NXPE3: variants seen among roughly 807,000 people sequenced by gnomAD.
NXPE3 encodes the protein NXPE family member 3.
In NXPE3, 26 loss-of-function variants were observed where a neutral mutation model predicts 46.1. That is an observed-to-expected ratio of 0.56 (90% CI 0.41 to 0.78). The LOEUF is 0.78. NXPE3 is among the 30% of genes least tolerant of loss of function. NXPE3 has a pLI of 0.00. For synonymous variants in NXPE3, 272 were observed against 257.9 expected (o/e 1.05, Z -0.52); for missense variants, 620 against 686.0 (o/e 0.90, Z 1.07).
intron 4 of NXPE3, among the ~76,000 whole-genome samples, chr3:101,799,767 C>G (rs1354019941): frequency 6.6e-6 from 1 of 152,144 alleles, no homozygotes; most frequent in Non-Finnish European, 1.5e-5. Context: ...TATAATATTA[C>G]TTTTGCATCA....
In NXPE3 at chr3:101,794,371, G is replaced by C. The variant is rs369725907; in HGVS notation, c.94-6864G>C. ...AGCCGTGTTCCTTCCTCTGACCTAA[G>C]AGGGAAAGATATCCTGATGGTTGGC... is the stretch of plus-strand genomic sequence containing the variant. On this transcript the variant is annotated intron_variant, in intron 4 of 7. Coordinates refer to ENST00000273347, the MANE Select transcript of NXPE3 (RefSeq NM_145037.4). Among the ~76,000 whole-genome samples the C allele has an allele frequency of 2.6e-5, 4 of 152,284 alleles. No individual in the cohort carries two copies. In the South Asian group the frequency reaches 8.3e-4, roughly 32 times the overall value.
rs1942424563 is a variant in NXPE3, at chr3:101,824,898, A to G, written c.*2944A>G. 6.6e-6 allele frequency: 1 copy of G among 152,208 alleles called. No homozygotes were observed. The highest frequency in any genetic ancestry group is 2.4e-5 in the African/African-American group (1 of 41,454). 9.4% of individuals were successfully genotyped at this position (152,208 alleles called of 1,614,324 possible). ...CACTTGATTGTGCAAATGATTTCTT[A>G]TGATCTTGTCTGGTTTTCTGTTATT... On this transcript the variant is annotated 3_prime_UTR_variant, in exon 8 of 8. Transcript: ENST00000273347.
At position 101,785,595 on chromosome 3, in the gene NXPE3, C is replaced by T; in HGVS notation, c.-2C>T. 6.2e-7 allele frequency: 1 copy of T among 1,613,822 alleles called. No individual in the cohort carries two copies. The highest frequency in any genetic ancestry group is 8.5e-7 in the Non-Finnish European group (1 of 1,179,752). On this transcript the variant is annotated 5_prime_UTR_variant, in exon 4 of 8. Coordinates refer to ENST00000273347, the MANE Select transcript of NXPE3 (RefSeq NM_145037.4). ...CATGGGTGAACAAGACACAGCCAGA[C>T]AATGTGGACCAATTTCTTCAAACTA...
chr3:101,794,238 G>C (rs1475685898), intron 4 of NXPE3, among the ~76,000 whole-genome samples: 3 of 152,118 alleles, frequency 2.0e-5, no homozygotes, highest in Non-Finnish European at 4.4e-5. Flanking sequence ...CTGAAGGGGG[G>C]AGGAGAGGAT....
At chr3:101,811,715 C>T (rs1052440271) in intron 6 of NXPE3, among the ~76,000 whole-genome samples, 19 of 150,186 alleles carry the variant, frequency 1.3e-4, no homozygotes, top group Non-Finnish European at 1.8e-4. Context: ...TTTGGTTTGC[C>T]TGCAGTAGTT....
chr3:101,807,173 T>A, intron 6 of NXPE3, 47 bp downstream of exon 6: 1 of 1,415,654 alleles, frequency 7.1e-7, no homozygotes, highest in Non-Finnish European at 1.0e-6. Flanking sequence ...TCTTACTAAC[T>A]GGGTTGAGGC....
At chr3:101,782,482 C>G (rs1216535717) in intron 2 of NXPE3, among the ~76,000 whole-genome samples, 178 bp from the exon 3 acceptor site, 1 of 151,760 alleles carries the variant, frequency 6.6e-6, no homozygotes, top group Non-Finnish European at 1.5e-5. Context: ...TTTTTTTACA[C>G]TACAATTACC....
At chr3:101,802,498 G>A (rs1421881596) in intron 5 of NXPE3, among the ~76,000 whole-genome samples, 1 of 151,812 alleles carries the variant, frequency 6.6e-6, no homozygotes, top group African/African-American at 2.4e-5. Flanking sequence ...TGGTAGGGCT[G>A]GTAGTCAGGC....
chr3:101,808,374 A>G (rs1327144207), intron 6 of NXPE3, among the ~76,000 whole-genome samples: 2 of 151,986 alleles, frequency 1.3e-5, no homozygotes, highest in African/African-American at 4.8e-5. Context: ...ATGTTGGCAA[A>G]CCCTTTTGCT....
intron 3 of NXPE3, among the ~76,000 whole-genome samples, chr3:101,785,038 C>T (rs1940071742): frequency 6.6e-6 from 1 of 152,188 alleles, no homozygotes; most frequent in Admixed American, 6.5e-5. Context: ...AGCAGTGTTA[C>T]ATAACTTAAA....
At chr3:101,799,750 C>T (rs1941033991) in intron 4 of NXPE3, among the ~76,000 whole-genome samples, 1 of 152,066 alleles carries the variant, frequency 6.6e-6, no homozygotes, top group Non-Finnish European at 1.5e-5. Context: ...ATTTGATTTC[C>T]ACTAGTTATA....
In NXPE3 at chr3:101,826,781, C is replaced by T. The variant is rs1314575416; in HGVS notation, c.*4827C>T. Reference sequence around the variant, plus strand: ...GGGCATAGTGGCTCATGCCTGTAATCCCAGCACTTTGGGAGGCCGAGGTGG... The same window carrying T: ...GGGCATAGTGGCTCATGCCTGTAATTCCAGCACTTTGGGAGGCCGAGGTGG... On this transcript the variant is annotated 3_prime_UTR_variant, in exon 8 of 8. Transcript: ENST00000273347. The T allele has an allele frequency of 6.6e-6, 1 of 152,226 alleles. No homozygotes were observed. Among genetic ancestry groups the T allele is most frequent in the African/African-American group, 2.4e-5 (1 of 41,422 alleles). 9.4% of individuals were successfully genotyped at this position (152,226 alleles called of 1,614,324 possible). A position where few individuals can be genotyped will look rare whatever the true frequency, so the allele number is the denominator to read the frequency against.
In NXPE3 at chr3:101,801,767, A is replaced by G. The variant is rs975676156; in HGVS notation, c.626A>G (p.Tyr209Cys). Residue 209 changes from tyrosine to cysteine, a missense_variant, in exon 5 of 8, where the codon TAT becomes TGT. Physicochemically the swap from Tyr to Cys is radical, Grantham distance 194. Transcript: ENST00000273347. ...CAGGAAGATAAACCAGACAGGGTCT[A>G]TTTCAAGAGTCTCTTCCGTTCAGGA... Reference protein sequence around the residue: ...RLQEDKPDRVYFKSLFRSGRI... With the variant: ...RLQEDKPDRVCFKSLFRSGRI... The G allele has an allele frequency of 1.2e-6, 2 of 1,614,106 alleles. No individual in the cohort carries two copies. The highest frequency in any genetic ancestry group is 2.7e-5 in the African/African-American group (2 of 74,928).
Position 101,798,286 on chromosome 3 carries a change from T to C in NXPE3, c.94-2949T>C, listed in dbSNP as rs148174495. ...ACAGGACTTACCACATGTGATAATT[T>C]GAACATTGAATTTAAAGATTCATGT... On this transcript the variant is annotated intron_variant, in intron 4 of 7. Transcript: ENST00000273347. Among the ~76,000 whole-genome samples the C allele has an allele frequency of 8.8e-3, 1,345 of 152,312 alleles. 18 individuals carry two copies. The highest frequency in any genetic ancestry group is 0.031 in the African/African-American group (1,272 of 41,560).
intron 5 of NXPE3, 76 bp from the exon 6 acceptor site, chr3:101,806,977 C>T (rs1239291084): frequency 2.1e-6 from 2 of 966,504 alleles, no homozygotes; most frequent in Admixed American, 3.7e-5. Context: ...GTCATTTTAT[C>T]ATTTGCCAAT....
At position 101,801,378 on chromosome 3, in the gene NXPE3, C is replaced by T. The variant is rs1334152659; in HGVS notation, c.237C>T (p.Asp79=). ...TLSSQERMEE[D]SLLAALHRQV... ...CCAGCCAGGAGCGCATGGAGGAGGA[C>T]TCCTTGCTGGCTGCCTTGCACCGGC... Residue 79 remains aspartate, a synonymous_variant, in exon 5 of 8, where the codon GAC becomes GAT. Coordinates refer to ENST00000273347, the MANE Select transcript of NXPE3 (RefSeq NM_145037.4). 2 of 1,614,246 alleles carry T rather than the reference C, an allele frequency of 1.2e-6. No homozygotes were observed. Among genetic ancestry groups the T allele is most frequent in the East Asian group, 4.5e-5 (2 of 44,882 alleles).
At chr3:101,811,215 C>T (rs976975619) in intron 6 of NXPE3, among the ~76,000 whole-genome samples, 2 of 152,096 alleles carry the variant, frequency 1.3e-5, no homozygotes, top group Non-Finnish European at 2.9e-5. Context: ...CAGAGTTATG[C>T]GATGTCCCAA....
intron 6 of NXPE3, among the ~76,000 whole-genome samples, chr3:101,808,829 A>ATG (rs1941559683): frequency 1.0e-5 from 1 of 97,554 alleles, no homozygotes; most frequent in Non-Finnish European, 2.0e-5. Flanking sequence ...ATATATATAT[A>ATG]TATATATATA....
At chr3:101,818,737 ATATATATATATATATATTTTTTTTTTTTT>A (rs1436642775) in intron 7 of NXPE3, among the ~76,000 whole-genome samples, 1 of 27,186 alleles carries the variant, frequency 3.7e-5, no homozygotes, top group African/African-American at 1.4e-4. Flanking sequence ...ATATATATAT[ATATATATATATATATATTTTTTTTTTTTT>A]TTTTTTTTTT....
Sources: allele counts gnomAD v4.1 joint callset (sites outside exome capture counted in the v4.1 genomes callset), GRCh38; gene constraint gnomAD v4.1.1; transcripts MANE v1.5; gene names NCBI Gene and HGNC (gene_info 2026-07-23, HGNC 2026-07-21).